The following SAMD8 variants were observed in gnomAD, a reference collection of about 807,000 sequenced individuals.
The protein encoded by SAMD8 is sphingomyelin synthase-related protein 1.
Under a neutral mutation model 42.0 loss-of-function variants are expected in SAMD8, and 20 were observed. That is an observed-to-expected ratio of 0.48 (90% CI 0.34 to 0.69). SAMD8 has a LOEUF of 0.69. Ranked by LOEUF, SAMD8 falls within the 30% of genes least tolerant of loss-of-function variation. The pLI, the probability that SAMD8 is intolerant of heterozygous loss-of-function variation, is 0.01. For missense variants in SAMD8, 328 were observed against 511.6 expected, an observed-to-expected ratio of 0.64 and a Z score of 3.46; for synonymous variants, 162 against 173.0, an observed-to-expected ratio of 0.94 and a Z score of 0.50.
At chr10:75,135,453 CAAAAA>C (rs151099768) in intron 1 of SAMD8, among the ~76,000 whole-genome samples, 2 of 117,356 alleles carry the variant, frequency 1.7e-5, no homozygotes, top group South Asian at 5.4e-4. Context: ...AATTCCATCT[CAAAAA>C]AAAAAAAAAA....
chr10:75,134,331 C>T (rs1382570339), intron 1 of SAMD8, among the ~76,000 whole-genome samples: 1 of 152,030 alleles, frequency 6.6e-6, no homozygotes, highest in South Asian at 2.1e-4. Context: ...TCATGTATCC[C>T]GGAATTTAAA....
chr10:75,111,190 T>C (rs142322452), upstream of SAMD8, among the ~76,000 whole-genome samples: 272 of 152,322 alleles, frequency 1.8e-3, no homozygotes, highest in African/African-American at 6.2e-3. Context: ...CAATAAATTA[T>C]AACAATGATC....
At chr10:75,116,297 G>A (rs891593125) in intron 1 of SAMD8, among the ~76,000 whole-genome samples, 1 of 152,008 alleles carries the variant, frequency 6.6e-6, no homozygotes, top group Non-Finnish European at 1.5e-5. Context: ...TAGAGATGGG[G>A]TATCAGCTAT....
chr10:75,164,972 A>G lies in SAMD8; in HGVS notation c.674+232A>G, dbSNP rs371429071. Among the ~76,000 whole-genome samples, 8 of 152,338 alleles carry G rather than the reference A, an allele frequency of 5.3e-5. No homozygotes were observed. In the East Asian group the frequency reaches 1.3e-3, roughly 26 times the overall value. ...TGCACGGAAAGATCAGAGATGCCCT[A>G]TGGCTGATCGTGCTCATCTCTGATC... On this transcript the variant is annotated intron_variant, in intron 3 of 5. Coordinates refer to ENST00000542569, the MANE Select transcript of SAMD8 (RefSeq NM_001174156.2).
intron 1 of SAMD8, among the ~76,000 whole-genome samples, chr10:75,124,372 G>A (rs1849077846): frequency 6.6e-6 from 1 of 152,148 alleles, no homozygotes; most frequent in South Asian, 2.1e-4. Context: ...CAGCACTTTG[G>A]GAGGCCAAGA....
Position 75,105,839 on chromosome 10 carries a change from C to T in SAMD8, c.-16+6111C>T, listed in dbSNP as rs937433669. 24 of 1,550,506 alleles carry T rather than the reference C, an allele frequency of 1.5e-5. No homozygotes were observed. The Admixed American group carries it at 3.7e-4, about 24-fold the overall frequency. On this transcript the variant is annotated intron_variant, in intron 1 of 3. Coordinates refer to the SAMD8 transcript ENST00000447533. ...AGGACCAGCGTGGCAGAGCGGCTCA[C>T]GCCCACCACACAGTGCACCAGGACC...
chr10:75,168,744 A>G (rs1013170878), intron 4 of SAMD8, 86 bp downstream of exon 4: 1 of 828,302 alleles, frequency 1.2e-6, no homozygotes, highest in Admixed American at 2.0e-5. Flanking sequence ...TGCTTATAGT[A>G]TTAAAATGTG....
intron 1 of SAMD8, among the ~76,000 whole-genome samples, chr10:75,143,732 G>C (rs2134466463): frequency 6.6e-6 from 1 of 151,968 alleles, no homozygotes; most frequent in African/African-American, 2.4e-5. Context: ...GGTATGCCTT[G>C]GTATAGCTTT....
chr10:75,124,478 T>C (rs1849081305), intron 1 of SAMD8, among the ~76,000 whole-genome samples: 1 of 152,040 alleles, frequency 6.6e-6, no homozygotes, highest in East Asian at 1.9e-4. Flanking sequence ...CCAGGCGTGG[T>C]GGCGCACGCC....
intron 1 of SAMD8, among the ~76,000 whole-genome samples, chr10:75,116,351 C>T (rs1286641114): frequency 2.0e-5 from 3 of 152,124 alleles, no homozygotes; most frequent in Non-Finnish European, 4.4e-5. Flanking sequence ...AGCAGTCCTC[C>T]CACCTCAGCC....
chr10:75,116,719 A>G (rs969704979), intron 1 of SAMD8, among the ~76,000 whole-genome samples: 1 of 152,220 alleles, frequency 6.6e-6, no homozygotes. Flanking sequence ...TTTGGCTGCA[A>G]ATCCAATCCA....
intron 1 of SAMD8, among the ~76,000 whole-genome samples, chr10:75,124,824 T>C (rs1316216293): frequency 6.7e-6 from 1 of 149,816 alleles, no homozygotes; most frequent in Non-Finnish European, 1.5e-5. Context: ...TTTTTTTTCC[T>C]AAGATGGGGT....
chr10:75,150,857 T>C lies in SAMD8; in HGVS notation c.329T>C (p.Leu110Pro). The C allele has an allele frequency of 6.2e-7, 1 of 1,613,916 alleles. No individual in the cohort carries two copies. The highest frequency in any genetic ancestry group is 8.5e-7 in the Non-Finnish European group (1 of 1,179,896). The change falls in exon 2 of 6, where the codon CTC becomes CCC. Residue 110 changes from leucine (L) to proline (P), a missense_variant. This residue lies in a region of SAMD8 where 150 missense variants were observed against 186.0 expected (regional missense o/e 0.81). Transcript: ENST00000542569. Reference protein sequence around the residue: ...FISALQSTDWLCNGELSHDCD... With the variant: ...FISALQSTDWPCNGELSHDCD... ...AGTGCTCTTCAGAGTACAGACTGGCTCTGTAATGGGGAGCTTTCCCATGAC... is the reference window on the plus strand; with the variant it reads ...AGTGCTCTTCAGAGTACAGACTGGCCCTGTAATGGGGAGCTTTCCCATGAC...
In SAMD8 at chr10:75,168,671, C is replaced by G; in HGVS notation, c.792+13C>G. 2.0e-6 allele frequency: 3 copies of G among 1,528,254 alleles called. No individual in the cohort carries two copies. Among genetic ancestry groups the G allele is most frequent in the Non-Finnish European group, 2.7e-6 (3 of 1,101,912 alleles). The allele number at this position is 1,528,254 out of a possible 1,614,324, so 94.7% of individuals were successfully genotyped here. ...GTGTACTGGAAAGGTAGCCTGCTAC[C>G]TTCTTTATCATTCTTGTTTTTGGTG... On this transcript the variant is annotated intron_variant, in intron 4 of 5. Transcript: ENST00000542569.
intron 3 of SAMD8, among the ~76,000 whole-genome samples, chr10:75,167,144 A>G (rs1840703160): frequency 6.6e-6 from 1 of 152,244 alleles, no homozygotes; most frequent in Admixed American, 6.5e-5. Context: ...TTTATTTGAT[A>G]TATACTTGAT....
At chr10:75,137,539 C>CA (rs373211048) in intron 1 of SAMD8, among the ~76,000 whole-genome samples, 3,548 of 107,120 alleles carry the variant, frequency 0.033, 182 homozygotes, top group East Asian at 0.25. Flanking sequence ...GACTCCGTCT[C>CA]AAAAAAAAAA....
At chr10:75,144,120 A>G (rs1253578879) in intron 1 of SAMD8, among the ~76,000 whole-genome samples, 1 of 151,916 alleles carries the variant, frequency 6.6e-6, no homozygotes, top group Non-Finnish European at 1.5e-5. Context: ...GGCACCCGCC[A>G]CCATGCCAGG....
intron 1 of SAMD8, among the ~76,000 whole-genome samples, chr10:75,135,224 G>C (rs1339216821): frequency 6.6e-6 from 1 of 151,728 alleles, no homozygotes; most frequent in Non-Finnish European, 1.5e-5. Flanking sequence ...AGGCCGAGGC[G>C]GGCTGATCAC....
At chr10:75,110,100 A>AGCC (rs2134406504), upstream of SAMD8, among the ~76,000 whole-genome samples, 1 of 152,290 alleles carries the variant, frequency 6.6e-6, no homozygotes, top group South Asian at 2.1e-4. Flanking sequence ...TACAGGTGTG[A>AGCC]GCCGCCGTGC....
Sources: gnomAD v4.1 joint callset for allele counts (sites outside exome capture counted in the v4.1 genomes callset) on GRCh38, gnomAD v4.1.1 for gene constraint, gnomAD v4.1.1 regional missense constraint, MANE v1.5 for transcripts, NCBI Gene and HGNC (gene_info 2026-07-23, HGNC 2026-07-21) for gene names.